Variants in EYA2 observed in about 807,000 individuals in gnomAD.
EYA2 encodes EYA transcriptional coactivator and phosphatase 2.
In EYA2, 31 loss-of-function variants were observed where a neutral mutation model predicts 69.2. That is an observed-to-expected ratio of 0.45 (90% CI 0.34 to 0.60). The LOEUF is 0.60. Ranked by LOEUF, EYA2 falls within the 20% of genes least tolerant of loss-of-function variation. The probability of loss-of-function intolerance (pLI) is 0.02; values close to 1 mark genes in which losing one functional copy is unlikely to be tolerated. For missense variants in EYA2, 622 were observed against 701.2 expected, an observed-to-expected ratio of 0.89 and a Z score of 1.28; for synonymous variants, 257 against 279.4, an observed-to-expected ratio of 0.92 and a Z score of 0.80.
At chr20:46,978,434 T>G in intron 1 of EYA2, 1 of 377,912 alleles carries the variant, frequency 2.6e-6, no homozygotes, top group Non-Finnish European at 5.4e-6. Flanking sequence ...CTCTGCAGGG[T>G]GAGCAGGAGG....
At chr20:47,147,500 A>C (rs1408192490) in intron 10 of EYA2, among the ~76,000 whole-genome samples, 1 of 152,242 alleles carries the variant, frequency 6.6e-6, no homozygotes, top group African/African-American at 2.4e-5. Flanking sequence ...GGAGGAAACC[A>C]GCAAGACTGA....
intron 12 of EYA2, among the ~76,000 whole-genome samples, 155 bp from the exon 13 acceptor site, chr20:47,179,643 A>G (rs1025517676): frequency 6.6e-6 from 1 of 152,200 alleles, no homozygotes; most frequent in Non-Finnish European, 1.5e-5. Context: ...TGTTGATCTC[A>G]GGATAAGATT....
intron 9 of EYA2, among the ~76,000 whole-genome samples, chr20:47,097,697 G>A (rs2032294233): frequency 1.3e-5 from 2 of 152,146 alleles, no homozygotes; most frequent in Non-Finnish European, 2.9e-5. Flanking sequence ...CTAGGCAAAT[G>A]CTATTGGCTG....
intron 10 of EYA2, among the ~76,000 whole-genome samples, chr20:47,148,058 C>CAAAAAAAAAAAAAAAAAAAAAAAAA (rs1264883844): frequency 3.6e-5 from 3 of 82,838 alleles, no homozygotes; most frequent in African/African-American, 1.5e-4. Context: ...GACTCTGTCT[C>CAAAAAAAAAAAAAAAAAAAAAAAAA]AAAAAAAAAA....
At chr20:47,031,173 C>T (rs536517688) in intron 5 of EYA2, among the ~76,000 whole-genome samples, 2 of 152,264 alleles carry the variant, frequency 1.3e-5, no homozygotes, top group African/African-American at 2.4e-5. Context: ...CCAGGAAGGA[C>T]GCCAGGCTCT....
At chr20:47,139,782 T>C (rs1600737308) in intron 9 of EYA2, among the ~76,000 whole-genome samples, 1 of 152,152 alleles carries the variant, frequency 6.6e-6, no homozygotes, top group South Asian at 2.1e-4. Context: ...GATTCTTTTT[T>C]TCCCCCCATT....
chr20:47,015,438 T>C lies in EYA2; in HGVS notation c.299-743T>C, dbSNP rs145479340. 1.5e-3 allele frequency among the ~76,000 whole-genome samples: 223 copies of C among 152,096 alleles called. 3 individuals are homozygous for C. The East Asian group carries it at 0.039, about 26-fold the overall frequency. On this transcript the variant is annotated intron_variant, in intron 4 of 15. Transcript: ENST00000327619. The stretch of plus-strand genomic sequence containing the variant: ...GGGATTAGCAGGTCCCCCCGTGAGA[T>C]TGGAGAGTGTCTTACAGTTAAGTGA...
At chr20:46,962,316 C>T (rs933393851) in intron 1 of EYA2, among the ~76,000 whole-genome samples, 3 of 152,230 alleles carry the variant, frequency 2.0e-5, no homozygotes, top group Admixed American at 1.3e-4. Flanking sequence ...CATGAGCGAC[C>T]GTGCCCAGTC....
chr20:46,896,087 C>T (rs1329224095), intron 1 of EYA2, among the ~76,000 whole-genome samples: 2 of 152,050 alleles, frequency 1.3e-5, no homozygotes, highest in Non-Finnish European at 2.9e-5. Context: ...GTAAGAGGTA[C>T]CTTTTAATTA....
chr20:47,144,482 G>A (rs1318241276), intron 10 of EYA2, among the ~76,000 whole-genome samples: 1 of 152,132 alleles, frequency 6.6e-6, no homozygotes, highest in Non-Finnish European at 1.5e-5. Context: ...CTAAACTGAA[G>A]TAGAAATATA....
chr20:47,056,650 T>C (rs2030626702), intron 5 of EYA2, among the ~76,000 whole-genome samples: 3 of 152,168 alleles, frequency 2.0e-5, no homozygotes, highest in Admixed American at 2.0e-4. Flanking sequence ...GTGTCCATAG[T>C]TATCAGGGAA....
chr20:47,027,637 G>A (rs193127319), intron 5 of EYA2, among the ~76,000 whole-genome samples: 2 of 152,306 alleles, frequency 1.3e-5, no homozygotes, highest in African/African-American at 2.4e-5. Flanking sequence ...GTAACAGGCG[G>A]AAACAGCTGG....
chr20:47,009,478 A>G (rs1223391897), intron 4 of EYA2, among the ~76,000 whole-genome samples: 1 of 152,254 alleles, frequency 6.6e-6, no homozygotes, highest in Non-Finnish European at 1.5e-5. Context: ...GCAATATTAA[A>G]GACATACATA....
intron 5 of EYA2, among the ~76,000 whole-genome samples, chr20:47,046,923 A>T (rs2030069098): frequency 6.6e-6 from 1 of 152,160 alleles, no homozygotes; most frequent in Non-Finnish European, 1.5e-5. Context: ...CATGTTACTT[A>T]ACTTCTTTAA....
At chr20:47,177,003 G>T (rs1484738220) in intron 12 of EYA2, among the ~76,000 whole-genome samples, 3 of 152,086 alleles carry the variant, frequency 2.0e-5, no homozygotes, top group Non-Finnish European at 2.9e-5. Flanking sequence ...TCACCACGTT[G>T]GCCAGGCTGA....
chr20:47,050,691 G>A (rs1194354049), intron 5 of EYA2, among the ~76,000 whole-genome samples: 1 of 152,250 alleles, frequency 6.6e-6, no homozygotes, highest in Admixed American at 6.5e-5. Context: ...CTTAAAGGAA[G>A]CTGTGGCTTT....
intron 12 of EYA2, among the ~76,000 whole-genome samples, chr20:47,179,467 G>T (rs961523284): frequency 9.1e-5 from 11 of 121,502 alleles, no homozygotes; most frequent in African/African-American, 3.4e-4. Context: ...TGGATATTGG[G>T]CAGATGGATG....
rs536950081 is a variant in EYA2, at chr20:47,144,272, C to T, written c.978+1124C>T. Among the ~76,000 whole-genome samples, 177 of 151,444 alleles carry T rather than the reference C, an allele frequency of 1.2e-3. 1 individual carries two copies. The highest frequency in any genetic ancestry group is 6.8e-3 in the Middle Eastern group (2 of 294). ...GCAGGAGGCTGAGGCAGGAGAGTAG[C>T]GTGAACCCGGAAGGCGGACCTTGCG... is the stretch of plus-strand genomic sequence containing the variant. On this transcript the variant is annotated intron_variant, in intron 10 of 15. Coordinates refer to ENST00000327619, the MANE Select transcript of EYA2 (RefSeq NM_005244.5).
chr20:47,029,817 TAC>T (rs1157750905), intron 5 of EYA2, among the ~76,000 whole-genome samples: 6 of 152,218 alleles, frequency 3.9e-5, no homozygotes, highest in African/African-American at 1.4e-4. Context: ...TTGAACACAG[TAC>T]AGTTACAATT....
Sources: gnomAD v4.1 joint callset for allele counts (sites outside exome capture counted in the v4.1 genomes callset) on GRCh38, gnomAD v4.1.1 for gene constraint, MANE v1.5 for transcripts, NCBI Gene and HGNC (gene_info 2026-07-23, HGNC 2026-07-21) for gene names.